The following DLG5 variants were observed in gnomAD, a reference collection of about 807,000 sequenced individuals.
The protein encoded by DLG5 is disks large homolog 5.
DLG5 carries 48 observed loss-of-function variants against 189.8 expected under a neutral mutation model. That is an observed-to-expected ratio of 0.25 (90% CI 0.20 to 0.32). The LOEUF is 0.32. Ranked by LOEUF, DLG5 falls within the 10% of genes least tolerant of loss-of-function variation. DLG5 has a pLI of 1.00. For missense variants in DLG5, 2,160 were observed against 2,544.7 expected (o/e 0.85, Z 3.25); for synonymous variants, 1,016 against 1,054.1 (o/e 0.96, Z 0.70).
chr10:77,924,484 C>T (rs1379418968), intron 1 of DLG5, among the ~76,000 whole-genome samples: 11 of 152,190 alleles, frequency 7.2e-5, no homozygotes, highest in Middle Eastern at 3.2e-3. Flanking sequence ...TGCTTCCCAA[C>T]GCAGACTTCC....
chr10:77,801,848 C>T (rs1841221868), intron 27 of DLG5, among the ~76,000 whole-genome samples: 1 of 152,142 alleles, frequency 6.6e-6, no homozygotes, highest in African/African-American at 2.4e-5. Flanking sequence ...GAGCATTACA[C>T]CTTATGCAAC....
chr10:77,829,662 T>TG, intron 11 of DLG5, 132 bp from the exon 12 acceptor site: 1 of 1,102,270 alleles, frequency 9.1e-7, no homozygotes, highest in Non-Finnish European at 1.3e-6. Context: ...AATCTCCTCT[T>TG]GCAGGAGTGC....
Position 77,819,603 on chromosome 10 carries a change from A to G in DLG5, c.3527-138T>C. ...CTTGGGAGATGAGTTTTAACCACCA[A>G]TTCACAATGTGGCTGTGGCTCCTGG... On this transcript the variant is annotated intron_variant, in intron 16 of 31. Transcript: ENST00000372391. 3 of 1,226,488 alleles carry G rather than the reference A, an allele frequency of 2.4e-6. No individual in the cohort carries two copies. In the African/African-American group the frequency reaches 4.5e-5, roughly 18 times the overall value. 76.0% of individuals were successfully genotyped at this position (1,226,488 alleles called of 1,614,324 possible). A position where few individuals can be genotyped will look rare whatever the true frequency, so the allele number is the denominator to read the frequency against.
chr10:77,876,730 G>A (rs1845108068), intron 1 of DLG5, among the ~76,000 whole-genome samples: 5 of 52,168 alleles, frequency 9.6e-5, no homozygotes, highest in South Asian at 2.1e-3. Flanking sequence ...AGGGAGGGAA[G>A]GAAGGGAAGG....
At chr10:77,917,408 C>T (rs920713976) in intron 1 of DLG5, among the ~76,000 whole-genome samples, 2 of 151,436 alleles carry the variant, frequency 1.3e-5, no homozygotes, top group African/African-American at 4.9e-5. Context: ...CCCTGCTACT[C>T]GGGAGGCTGA....
Position 77,840,751 on chromosome 10 carries a change from G to A in DLG5, c.1437+1130C>T, listed in dbSNP as rs7903200. Among the ~76,000 whole-genome samples the A allele has an allele frequency of 8.2e-3, 1,242 of 152,228 alleles. 22 individuals are homozygous for A. The highest frequency in any genetic ancestry group is 0.028 in the African/African-American group (1,161 of 41,552). Reference sequence around the variant, plus strand: ...AGAAAGAAAGAAACGGAGGCCTAGAGAGGTTCGAGACCACATGACTGAGGA... The same window carrying A: ...AGAAAGAAAGAAACGGAGGCCTAGAAAGGTTCGAGACCACATGACTGAGGA... On this transcript the variant is annotated intron_variant, in intron 7 of 31. Coordinates refer to ENST00000372391, the MANE Select transcript of DLG5 (RefSeq NM_004747.4).
chr10:77,910,987 GA>G (rs55832630), intron 1 of DLG5, among the ~76,000 whole-genome samples: 25,667 of 84,118 alleles, frequency 0.31, 2,098 homozygotes, highest in Middle Eastern at 0.34. Context: ...CTGTCTGAAG[GA>G]AAAAAAAAAA....
intron 8 of DLG5, among the ~76,000 whole-genome samples, chr10:77,835,426 G>A (rs111719389): frequency 5.3e-5 from 8 of 152,270 alleles, no homozygotes; most frequent in East Asian, 3.9e-4. Flanking sequence ...GACACACTTC[G>A]GATGTGCTCT....
chr10:77,843,791 G>A (rs565088343), intron 5 of DLG5, 85 bp from the exon 6 acceptor site: 218 of 1,569,746 alleles, frequency 1.4e-4, no homozygotes, highest in Middle Eastern at 1.2e-3. Flanking sequence ...CTATCTGAGG[G>A]TGAGACTGAT....
At chr10:77,857,237 T>C (rs1178448505) in intron 2 of DLG5, among the ~76,000 whole-genome samples, 1 of 152,170 alleles carries the variant, frequency 6.6e-6, no homozygotes, top group Non-Finnish European at 1.5e-5. Flanking sequence ...TTTGGAAATA[T>C]CAGCTGTTAC....
rs552718615 is a variant in DLG5, at chr10:77,821,336, C to A, written c.3148G>T (p.Ala1050Ser). 6.2e-7 allele frequency: 1 copy of A among 1,612,946 alleles called. No homozygotes were observed. The highest frequency in any genetic ancestry group is 2.2e-5 in the East Asian group (1 of 44,872). The change falls in exon 15 of 32, where the codon GCC (alanine) becomes TCC (serine). Residue 1050 changes from alanine (A) to serine (S), a missense_variant. Transcript: ENST00000372391. ...CCGGGGTCCACGTCAGGGGGCAGGG[C>A]GCTCGGGGGACTAGTGGATGGGGAG... is the stretch of plus-strand genomic sequence containing the variant. ...GSSPSTSPPS[A>S]LPPDVDPGEP... is the part of the protein sequence containing the mutation.
At chr10:77,819,249 G>A in intron 17 of DLG5, 72 bp downstream of exon 17, 1 of 1,605,470 alleles carries the variant, frequency 6.2e-7, no homozygotes, top group Non-Finnish European at 8.5e-7. Flanking sequence ...GCCTCTTTAT[G>A]CACTCATGGT....
chr10:77,929,609 G>A (rs911648433), upstream of DLG5: 2 of 152,222 alleles, frequency 1.3e-5, no homozygotes, highest in African/African-American at 4.8e-5. Flanking sequence ...TTTGGATGCA[G>A]AGACACAGAG....
chr10:77,878,798 C>T (rs867821164), intron 1 of DLG5, among the ~76,000 whole-genome samples: 28 of 152,278 alleles, frequency 1.8e-4, no homozygotes, highest in Middle Eastern at 3.4e-3. Flanking sequence ...AAAACCAGAG[C>T]GCTCACAGTG....
intron 7 of DLG5, among the ~76,000 whole-genome samples, chr10:77,839,043 G>C (rs946156193): frequency 6.6e-6 from 1 of 152,256 alleles, no homozygotes; most frequent in Non-Finnish European, 1.5e-5. Flanking sequence ...CGGGCTCCAG[G>C]CTGAATGGCT....
intron 1 of DLG5, among the ~76,000 whole-genome samples, chr10:77,899,179 C>T (rs1317180544): frequency 1.3e-5 from 2 of 152,194 alleles, no homozygotes; most frequent in Non-Finnish European, 2.9e-5. Context: ...TCTGCTGTGG[C>T]AGCATCCAGG....
At chr10:77,887,220 C>T (rs925453566) in intron 1 of DLG5, among the ~76,000 whole-genome samples, 17 of 152,166 alleles carry the variant, frequency 1.1e-4, no homozygotes, top group Non-Finnish European at 1.8e-4. Context: ...GGAACTAACC[C>T]AAGATCATTC....
intron 20 of DLG5, 139 bp from the exon 21 acceptor site, chr10:77,812,516 ATGGGGACATGG>A: frequency 5.1e-6 from 5 of 973,550 alleles, no homozygotes; most frequent in Non-Finnish European, 7.4e-6. Context: ...ACACAGCTAC[ATGGGGACATGG>A]TGGGCCCACC....
chr10:77,918,122 G>A (rs1235944802), intron 1 of DLG5, among the ~76,000 whole-genome samples: 1 of 149,448 alleles, frequency 6.7e-6, no homozygotes, highest in African/African-American at 2.5e-5. Context: ...AATAAAAAAT[G>A]GTTCAAGGCC....
Sources: gnomAD v4.1 joint callset for allele counts (sites outside exome capture counted in the v4.1 genomes callset) on GRCh38, gnomAD v4.1.1 for gene constraint, MANE v1.5 for transcripts, NCBI Gene and HGNC (gene_info 2026-07-23, HGNC 2026-07-21) for gene names.